NEBL: variants seen among roughly 807,000 people sequenced by gnomAD.
The protein encoded by NEBL is nebulette, also known as LIM and SH3 protein 2.
Under a neutral mutation model 140.2 loss-of-function variants are expected in NEBL, and 122 were observed. That is an observed-to-expected ratio of 0.87 (90% CI 0.75 to 1.01). The LOEUF is 1.01. Ranked by LOEUF, NEBL falls within the 50% of genes least tolerant of loss-of-function variation. The pLI is 0.00. For missense variants in NEBL, 1,365 were observed against 1,231.3 expected, an observed-to-expected ratio of 1.11 and a Z score of -1.62; for synonymous variants, 436 against 398.9, an observed-to-expected ratio of 1.09 and a Z score of -1.11.
intron 5 of NEBL, among the ~76,000 whole-genome samples, chr10:20,875,545 A>G (rs1253128135): frequency 2.0e-5 from 3 of 152,224 alleles, no homozygotes; most frequent in African/African-American, 7.2e-5. Context: ...GCCTTCCAGC[A>G]AGCTTTTTAT....
chr10:20,865,992 C>T (rs973451346), intron 7 of NEBL, among the ~76,000 whole-genome samples: 1 of 152,134 alleles, frequency 6.6e-6, no homozygotes, highest in Non-Finnish European at 1.5e-5. Flanking sequence ...GACTTTCCTG[C>T]CCAGTGTCAC....
At position 21,017,837 on chromosome 10, in the gene NEBL, T is replaced by C. The variant is rs4747429; in HGVS notation, c.249+2280A>G. Among the ~76,000 whole-genome samples the C allele has an allele frequency of 2.3e-3, 352 of 151,160 alleles. 2 individuals carry two copies. Among genetic ancestry groups the C allele is most frequent in the Admixed American group, 6.7e-3 (102 of 15,200 alleles). ...GATTCTTCTCTTTTTTTTTTTTTTT[T>C]CCCCAAAATAGAGTCTTGCTCTGTT... On this transcript the variant is annotated intron_variant, in intron 3 of 6. Coordinates refer to the NEBL transcript ENST00000417816.
At chr10:21,047,313 GA>G (rs1214096626) in intron 2 of NEBL, among the ~76,000 whole-genome samples, 4 of 152,162 alleles carry the variant, frequency 2.6e-5, no homozygotes, top group African/African-American at 7.2e-5. Flanking sequence ...GCCAATACTT[GA>G]ACAAGTCACA....
intron 2 of NEBL, among the ~76,000 whole-genome samples, chr10:21,117,797 G>C (rs189450423): frequency 6.6e-6 from 1 of 152,000 alleles, no homozygotes; most frequent in East Asian, 1.9e-4. Context: ...TGAGTATAGC[G>C]TGGTGGTTAT....
chr10:21,219,861 T>A (rs1365939021), intron 3 of NEBL, among the ~76,000 whole-genome samples: 2 of 80,848 alleles, frequency 2.5e-5, no homozygotes, highest in African/African-American at 4.6e-4. Flanking sequence ...TTTTCTTGGG[T>A]TTTTTTTTTT....
chr10:20,972,605 G>T (rs1003242411), intron 3 of NEBL, among the ~76,000 whole-genome samples: 1 of 151,946 alleles, frequency 6.6e-6, no homozygotes, highest in Non-Finnish European at 1.5e-5. Flanking sequence ...AAATTAGCTG[G>T]GCATGGCAGT....
chr10:20,937,361 A>C (rs1834546109), intron 4 of NEBL, among the ~76,000 whole-genome samples: 1 of 152,186 alleles, frequency 6.6e-6, no homozygotes, highest in South Asian at 2.1e-4. Flanking sequence ...ATCAGATATT[A>C]TCATTCCCAT....
chr10:21,190,673 C>T (rs565057174), intron 3 of NEBL, among the ~76,000 whole-genome samples: 3 of 152,156 alleles, frequency 2.0e-5, no homozygotes, highest in Non-Finnish European at 4.4e-5. Context: ...TTATACCAAA[C>T]ATTTAAAGGA....
chr10:20,939,238 A>G lies in NEBL; in HGVS notation c.357+22434T>C, dbSNP rs1259619131. On this transcript the variant is annotated intron_variant, in intron 4 of 6. Transcript: ENST00000417816. ...CCATCAGACTAACAGCTGATCTCTCAGCAGAAACTCTACAAGCCAGAAGAG... is the reference window on the plus strand; with the variant it reads ...CCATCAGACTAACAGCTGATCTCTCGGCAGAAACTCTACAAGCCAGAAGAG... Among the ~76,000 whole-genome samples the G allele has an allele frequency of 2.6e-5, 4 of 152,360 alleles. No homozygotes were observed. In the East Asian group the frequency reaches 5.8e-4, roughly 22 times the overall value.
At chr10:20,848,851 G>A (rs1466288838) in intron 11 of NEBL, among the ~76,000 whole-genome samples, 1 of 152,126 alleles carries the variant, frequency 6.6e-6, no homozygotes, top group African/African-American at 2.4e-5. Context: ...CTTTTTGCTT[G>A]AAGAAGAAAT....
intron 3 of NEBL, among the ~76,000 whole-genome samples, chr10:20,888,733 T>C (rs931381980): frequency 7.2e-5 from 11 of 152,220 alleles, no homozygotes; most frequent in African/African-American, 2.7e-4. Context: ...CAAACACTCT[T>C]TCCTCTTGGG....
At chr10:20,817,225 GGTGTGGCA>G (rs1838803270) in intron 21 of NEBL, among the ~76,000 whole-genome samples, 1 of 152,138 alleles carries the variant, frequency 6.6e-6, no homozygotes, top group Admixed American at 6.5e-5. Flanking sequence ...AAATTAGCCA[GGTGTGGCA>G]GCATGTGCCT....
chr10:20,794,836 G>A (rs927155654), intron 26 of NEBL, among the ~76,000 whole-genome samples: 2 of 152,122 alleles, frequency 1.3e-5, no homozygotes, highest in African/African-American at 4.8e-5. Context: ...GGGCAATTTG[G>A]GATGTTCGGT....
intron 1 of NEBL, among the ~76,000 whole-genome samples, chr10:21,255,279 T>C (rs565074996): frequency 2.0e-5 from 3 of 152,070 alleles, no homozygotes; most frequent in African/African-American, 7.2e-5. Flanking sequence ...TGAGTGTATA[T>C]ATTAGTGATG....
intron 3 of NEBL, among the ~76,000 whole-genome samples, chr10:20,996,254 G>T (rs1252604607): frequency 5.3e-5 from 8 of 152,214 alleles, no homozygotes. Flanking sequence ...TCCCCAGGGG[G>T]TAGGGCAAAC....
chr10:21,208,872 C>A (rs982478255), intron 3 of NEBL, among the ~76,000 whole-genome samples: 7 of 152,206 alleles, frequency 4.6e-5, no homozygotes, highest in African/African-American at 1.7e-4. Context: ...GGTAAACAAC[C>A]AGCCAGTCTG....
At chr10:20,976,823 T>TG (rs1233209310) in intron 3 of NEBL, among the ~76,000 whole-genome samples, 1 of 151,616 alleles carries the variant, frequency 6.6e-6, no homozygotes, top group African/African-American at 2.4e-5. Context: ...TGAGATGCTA[T>TG]GCTCACTATT....
At chr10:21,290,115 G>A (rs1243524217) in intron 1 of NEBL, among the ~76,000 whole-genome samples, 1 of 152,146 alleles carries the variant, frequency 6.6e-6, no homozygotes, top group African/African-American at 2.4e-5. Context: ...GGCCAAGAGG[G>A]CCATGTGATG....
chr10:21,239,940 C>A (rs1277539796), intron 3 of NEBL, among the ~76,000 whole-genome samples: 3 of 151,400 alleles, frequency 2.0e-5, no homozygotes, highest in Admixed American at 6.6e-5. Flanking sequence ...GGCATGAACC[C>A]GGGAGGCAGA....
Sources: gnomAD v4.1 joint callset for allele counts (sites outside exome capture counted in the v4.1 genomes callset) on GRCh38, gnomAD v4.1.1 for gene constraint, MANE v1.5 for transcripts, NCBI Gene and HGNC (gene_info 2026-07-23, HGNC 2026-07-21) for gene names.